Variants in PSME4 observed in about 807,000 individuals in gnomAD.
PSME4 encodes proteasome activator subunit 4.
PSME4 carries 89 observed loss-of-function variants against 253.9 expected under a neutral mutation model. The ratio of observed to expected loss-of-function variants is 0.35; its 90% confidence interval spans 0.30 to 0.42. The LOEUF is 0.42. Ranked by LOEUF, PSME4 falls within the 10% of genes least tolerant of loss-of-function variation. PSME4 has a pLI of 1.00. For missense variants in PSME4, 2,014 were observed against 2,195.2 expected, an observed-to-expected ratio of 0.92 and a Z score of 1.65; for synonymous variants, 851 against 759.2, an observed-to-expected ratio of 1.12 and a Z score of -1.99.
rs1315498405 is a variant in PSME4, at chr2:53,908,302, T to C, written c.2784+18A>G. On this transcript the variant is annotated intron_variant, in intron 24 of 46. Coordinates refer to ENST00000404125, the MANE Select transcript of PSME4 (RefSeq NM_014614.3). ...ACTTTAAAACAATTAGTGCAGACTTTTAGGTGAAAATACTGACCCGATTTT... is the reference window on the plus strand; with the variant it reads ...ACTTTAAAACAATTAGTGCAGACTTCTAGGTGAAAATACTGACCCGATTTT... 6.3e-7 allele frequency: 1 copy of C among 1,578,288 alleles called. No homozygotes were observed. The highest frequency in any genetic ancestry group is 2.2e-5 in the East Asian group (1 of 44,540).
intron 20 of PSME4, among the ~76,000 whole-genome samples, chr2:53,918,173 GT>G (rs1668141988): frequency 6.6e-6 from 1 of 151,928 alleles, no homozygotes; most frequent in African/African-American, 2.4e-5. Context: ...TCCCCTTTGT[GT>G]TTTTTGAGAG....
chr2:53,875,566 A>G, intron 42 of PSME4, 61 bp downstream of exon 42: 1 of 1,502,884 alleles, frequency 6.7e-7, no homozygotes, highest in Non-Finnish European at 9.0e-7. Context: ...GCTGACTGAA[A>G]TTCTTAGAAT....
intron 17 of PSME4, 78 bp from the exon 18 acceptor site, chr2:53,921,182 T>C (rs1573293125): frequency 1.3e-6 from 2 of 1,587,378 alleles, no homozygotes; most frequent in Admixed American, 1.8e-5. Flanking sequence ...AGTTCAATGT[T>C]TGGCCACTAA....
At chr2:53,948,203 G>T (rs1481194834) in intron 3 of PSME4, among the ~76,000 whole-genome samples, 1 of 152,184 alleles carries the variant, frequency 6.6e-6, no homozygotes, top group African/African-American at 2.4e-5. Context: ...AAAGAGGCAG[G>T]ATGTAGGTGC....
Position 53,901,557 on chromosome 2 carries a change from ACCCTGC to A in PSME4, c.3076-4_3077del, listed in dbSNP as rs1433890997. ...GATTTCCAAGGAGACAGTACAAGGCACCCTGCAGAAAAAAAAATATATATATGTTTA... is the reference window on the plus strand; with the variant it reads ...GATTTCCAAGGAGACAGTACAAGGCAAGAAAAAAAAATATATATATGTTTA... On this transcript the variant is annotated splice_acceptor_variant and splice_polypyrimidine_tract_variant and coding_sequence_variant and intron_variant, in exon 28 of 47. Coordinates refer to ENST00000404125, the MANE Select transcript of PSME4 (RefSeq NM_014614.3). LOFTEE classifies it high-confidence loss of function. The A allele has an allele frequency of 6.3e-7, 1 of 1,597,240 alleles. No homozygotes were observed. Among genetic ancestry groups the A allele is most frequent in the Non-Finnish European group, 8.6e-7 (1 of 1,168,558 alleles).
At chr2:53,914,905 A>G (rs1339065160) in intron 20 of PSME4, among the ~76,000 whole-genome samples, 1 of 152,192 alleles carries the variant, frequency 6.6e-6, no homozygotes, top group African/African-American at 2.4e-5. Context: ...TAGTAACCCT[A>G]TATTGCTAAA....
At chr2:53,951,881 C>T (rs57154773) in intron 1 of PSME4, among the ~76,000 whole-genome samples, 18,904 of 152,110 alleles carry the variant, frequency 0.12, 1,849 homozygotes, top group East Asian at 0.56. Flanking sequence ...AAAATGGTAA[C>T]GCACGTAGAT....
chr2:53,879,737 G>A (rs1679291804), intron 41 of PSME4, among the ~76,000 whole-genome samples: 1 of 143,884 alleles, frequency 7.0e-6, no homozygotes, highest in Non-Finnish European at 1.5e-5. Flanking sequence ...GGGAGACTGA[G>A]ACTGCAGTGA....
intron 40 of PSME4, 66 bp downstream of exon 40, chr2:53,887,193 A>C: frequency 1.4e-5 from 20 of 1,424,854 alleles, no homozygotes; most frequent in Non-Finnish European, 1.9e-5. Flanking sequence ...AAAGTGGTGC[A>C]AAAAACTCTA....
chr2:53,869,750 A>G, intron 43 of PSME4: 2 of 369,370 alleles, frequency 5.4e-6, no homozygotes, highest in Non-Finnish European at 9.7e-6. Context: ...TAGGGTTATG[A>G]GCATAAACTT....
chr2:53,953,765 T>C (rs1395473041), intron 1 of PSME4, among the ~76,000 whole-genome samples: 1 of 152,130 alleles, frequency 6.6e-6, no homozygotes, highest in Non-Finnish European at 1.5e-5. Context: ...CTCTTTCCAG[T>C]TAATTTTCAC....
At chr2:53,902,701 C>T (rs564063248) in intron 27 of PSME4, among the ~76,000 whole-genome samples, 8 of 152,156 alleles carry the variant, frequency 5.3e-5, no homozygotes, top group African/African-American at 9.7e-5. Context: ...TTTCCATAAA[C>T]GGCCAGAAAG....
intron 1 of PSME4, among the ~76,000 whole-genome samples, chr2:53,951,529 C>G (rs1669995244): frequency 6.6e-6 from 1 of 152,006 alleles, no homozygotes; most frequent in Non-Finnish European, 1.5e-5. Flanking sequence ...AGGTATAATC[C>G]CATGATCTCA....
At chr2:53,920,073 A>C (rs1668227456) in intron 19 of PSME4, 120 bp downstream of exon 19, 1 of 847,682 alleles carries the variant, frequency 1.2e-6, no homozygotes, top group Non-Finnish European at 1.7e-6. Context: ...TTCTAAGTAC[A>C]TGTATAGCAG....
At chr2:53,933,634 G>A (rs542188142) in intron 8 of PSME4, among the ~76,000 whole-genome samples, 38 of 152,170 alleles carry the variant, frequency 2.5e-4, no homozygotes, top group African/African-American at 8.9e-4. Flanking sequence ...CTTCCATCTC[G>A]GCTTCCCAAA....
At chr2:53,951,210 G>A (rs991914476) in intron 1 of PSME4, among the ~76,000 whole-genome samples, 3 of 152,082 alleles carry the variant, frequency 2.0e-5, no homozygotes, top group Admixed American at 2.0e-4. Context: ...AGCCTCCCCA[G>A]TAGCTGGGAT....
intron 1 of PSME4, among the ~76,000 whole-genome samples, chr2:53,955,009 C>T (rs993276925): frequency 6.7e-6 from 1 of 150,320 alleles, no homozygotes; most frequent in Non-Finnish European, 1.5e-5. Context: ...GAGACCCCGT[C>T]TCTATAAAAA....
chr2:53,933,367 G>T, intron 8 of PSME4, among the ~76,000 whole-genome samples: 1 of 74,336 alleles, frequency 1.3e-5, no homozygotes, highest in Non-Finnish European at 2.1e-5. Flanking sequence ...GATAGAGCGA[G>T]ACCATCTCAA....
chr2:53,876,153 A>T (rs1005295885), intron 41 of PSME4, among the ~76,000 whole-genome samples: 1 of 152,262 alleles, frequency 6.6e-6, no homozygotes, highest in Non-Finnish European at 1.5e-5. Context: ...CCCAAGTACC[A>T]CATTCATGTG....
Sources: allele counts gnomAD v4.1 joint callset (sites outside exome capture counted in the v4.1 genomes callset), GRCh38; gene constraint gnomAD v4.1.1; transcripts MANE v1.5; gene names NCBI Gene and HGNC (gene_info 2026-07-23, HGNC 2026-07-21).